The following RELL1 variants were observed in gnomAD, a reference collection of about 807,000 sequenced individuals.
RELL1 encodes RELT like 1, also known as RELT-like protein 1.
RELL1 carries 10 observed loss-of-function variants against 23.0 expected under a neutral mutation model. That is an observed-to-expected ratio of 0.43 (90% confidence interval 0.27 to 0.74). RELL1 has a LOEUF of 0.74. RELL1 is among the 30% of genes least tolerant of loss of function. The pLI, the probability that RELL1 is intolerant of heterozygous loss-of-function variation, is 0.19. For synonymous variants in RELL1, 146 were observed against 146.8 expected (o/e 0.99, Z 0.04); for missense variants, 315 against 364.4 (o/e 0.86, Z 1.10).
At chr4:37,596,733 TATA>T (rs1263747444) in intron 6 of RELL1, among the ~76,000 whole-genome samples, 75 of 23,036 alleles carry the variant, frequency 3.3e-3, no homozygotes, top group Non-Finnish European at 5.6e-3. Context: ...TATATATATA[TATA>T]TTTTTTTTTT....
chr4:37,610,561 A>ATAAT (rs753234565), downstream of RELL1, among the ~76,000 whole-genome samples: 36 of 152,198 alleles, frequency 2.4e-4, no homozygotes, highest in Non-Finnish European at 4.4e-4. The surrounding 1 kb of genome is among the most constrained non-coding windows in gnomAD (Gnocchi z 4.1). Context: ...ATTAAGCTCA[A>ATAAT]TAATTATACT....
At chr4:37,633,422 A>AGGC in intron 5 of RELL1, among the ~76,000 whole-genome samples, 2 of 98,814 alleles carry the variant, frequency 2.0e-5, no homozygotes, top group African/African-American at 5.8e-5. Context: ...AAAAAAAAAA[A>AGGC]AAAAAAAAAA....
At chr4:37,609,331 C>A (rs1719307723), downstream of RELL1, among the ~76,000 whole-genome samples, 3 of 152,170 alleles carry the variant, frequency 2.0e-5, no homozygotes, top group Non-Finnish European at 4.4e-5. Flanking sequence ...ACTGTTGAGA[C>A]CTACTGCTCA....
At chr4:37,618,394 T>A (rs1222342718) in intron 6 of RELL1, among the ~76,000 whole-genome samples, 2 of 148,940 alleles carry the variant, frequency 1.3e-5, no homozygotes, top group Non-Finnish European at 3.0e-5. Flanking sequence ...TAATTTTTTA[T>A]TTTTTTTTAT....
intron 1 of RELL1, among the ~76,000 whole-genome samples, chr4:37,684,271 C>T (rs147390437): frequency 2.6e-5 from 4 of 151,962 alleles, no homozygotes; most frequent in African/African-American, 9.7e-5. Context: ...TTTACACACG[C>T]CTCAAGATAC....
At chr4:37,686,125 C>A in intron 1 of RELL1, 75 bp downstream of exon 1, 2 of 1,293,292 alleles carry the variant, frequency 1.5e-6, no homozygotes, top group South Asian at 2.6e-5. Context: ...GGCTGCCGTC[C>A]CGACCCCTCG....
chr4:37,668,860 G>A (rs1158384602), intron 1 of RELL1, among the ~76,000 whole-genome samples: 1 of 148,118 alleles, frequency 6.8e-6, no homozygotes, highest in Non-Finnish European at 1.5e-5. Context: ...GAGCGCCTCT[G>A]CCCTGTCGCC....
intron 1 of RELL1, among the ~76,000 whole-genome samples, chr4:37,662,488 A>G (rs7654954): frequency 0.12 from 18,240 of 151,848 alleles, 2,638 homozygotes; most frequent in African/African-American, 0.35. Context: ...GACAGGCAGG[A>G]GGCTGGGGCA....
chr4:37,669,481 A>G (rs1057339997), intron 1 of RELL1, among the ~76,000 whole-genome samples: 1 of 149,504 alleles, frequency 6.7e-6, no homozygotes, highest in African/African-American at 2.5e-5. Context: ...GGCCACCCCT[A>G]CTGGGAAGTG....
At chr4:37,644,885 T>A (rs952460640) in intron 3 of RELL1, among the ~76,000 whole-genome samples, 1 of 152,300 alleles carries the variant, frequency 6.6e-6, no homozygotes, top group Non-Finnish European at 1.5e-5. Context: ...ACAGAGGTAC[T>A]ACAGTAAGTG....
chr4:37,588,769 G>T, downstream of RELL1: 1 of 1,058,660 alleles, frequency 9.4e-7, no homozygotes, highest in South Asian at 1.3e-5. Flanking sequence ...GAGTCTCTAG[G>T]GAAAAAAAAA....
chr4:37,645,936 G>A (rs1038115277), intron 3 of RELL1, among the ~76,000 whole-genome samples: 1 of 152,250 alleles, frequency 6.6e-6, no homozygotes, highest in African/African-American at 2.4e-5. Context: ...TTGTGGAGTA[G>A]TGAGGATCTG....
Position 37,631,468 on chromosome 4 carries a change from T to A in RELL1, c.736A>T (p.Met246Leu). The part of the protein sequence containing the change: ...KSNQKERRSL[M>L]SVSGAETVNG... ...ACGGTTTCAGCCCCACTAACAGACA[T>A]CAGGCTTCTCCGTTCCTTCTGGTTT... Residue 246 changes from methionine (M) to leucine (L), a missense_variant, in exon 6 of 7, where the codon ATG becomes TTG. By Grantham distance (15) the Met-to-Leu change is conservative. Transcript: ENST00000454158. 1 of 1,614,142 alleles carries A rather than the reference T, an allele frequency of 6.2e-7. No individual in the cohort carries two copies. Among genetic ancestry groups the A allele is most frequent in the Non-Finnish European group, 8.5e-7 (1 of 1,180,012 alleles).
chr4:37,667,792 T>C (rs565512345), intron 1 of RELL1, among the ~76,000 whole-genome samples: 11 of 152,164 alleles, frequency 7.2e-5, no homozygotes, highest in South Asian at 2.1e-4. Flanking sequence ...ATTTGTAAGA[T>C]ACAAAATTAA....
chr4:37,644,755 C>T (rs1476380971), intron 3 of RELL1, among the ~76,000 whole-genome samples: 1 of 152,030 alleles, frequency 6.6e-6, no homozygotes, highest in Non-Finnish European at 1.5e-5. Context: ...CCAGCACGCC[C>T]GGCCGCTACT....
chr4:37,618,461 C>T (rs1206721881), intron 6 of RELL1, among the ~76,000 whole-genome samples: 2 of 151,780 alleles, frequency 1.3e-5, no homozygotes, highest in Non-Finnish European at 2.9e-5. Context: ...TGATCTCAAA[C>T]TTCTGGCTTC....
downstream of RELL1, among the ~76,000 whole-genome samples, chr4:37,589,842 G>T (rs1379231631): frequency 3.3e-5 from 5 of 152,304 alleles, no homozygotes; most frequent in East Asian, 9.6e-4. Flanking sequence ...ATGTCGGTCA[G>T]GCTGGTCTCG....
At chr4:37,631,041 A>G (rs1448905649) in intron 6 of RELL1, among the ~76,000 whole-genome samples, 1 of 152,112 alleles carries the variant, frequency 6.6e-6, no homozygotes, top group Non-Finnish European at 1.5e-5. Flanking sequence ...CAGCAACACT[A>G]GGTGCTTTCT....
At chr4:37,603,283 A>G (rs956929402) in intron 6 of RELL1, among the ~76,000 whole-genome samples, 2 of 152,124 alleles carry the variant, frequency 1.3e-5, no homozygotes, top group Non-Finnish European at 2.9e-5. Context: ...CCACGCCACA[A>G]AATGCCCAAG....
Sources: gnomAD v4.1 joint callset for allele counts (sites outside exome capture counted in the v4.1 genomes callset) on GRCh38, gnomAD v4.1.1 for gene constraint, Gnocchi (gnomAD v3.1) non-coding constraint, MANE v1.5 for transcripts, NCBI Gene and HGNC (gene_info 2026-07-23, HGNC 2026-07-21) for gene names.